Variants in HIF1AN observed in about 807,000 individuals in gnomAD.
HIF1AN encodes hypoxia inducible factor 1 subunit alpha inhibitor.
HIF1AN carries 21 observed loss-of-function variants against 47.7 expected under a neutral mutation model. The ratio of observed to expected loss-of-function variants is 0.44; its 90% CI spans 0.31 to 0.63. The LOEUF (loss-of-function observed/expected upper bound fraction) is 0.63, where lower values mean the gene tolerates loss of function less well. HIF1AN is among the 30% of genes least tolerant of loss of function. The probability of loss-of-function intolerance (pLI) is 0.07; values close to 1 mark genes in which losing one functional copy is unlikely to be tolerated. For missense variants in HIF1AN, 320 were observed against 432.7 expected, an observed-to-expected ratio of 0.74 and a Z score of 2.31; for synonymous variants, 152 against 155.9, an observed-to-expected ratio of 0.98 and a Z score of 0.18.
In HIF1AN at chr10:100,552,858, A is replaced by G. The variant is rs908033948; in HGVS notation, c.*4721A>G. The G allele has an allele frequency of 2.0e-5, 3 of 151,622 alleles. No homozygotes were observed. The highest frequency in any genetic ancestry group is 6.6e-5 in the Admixed American group (1 of 15,186). The allele number at this position is 151,622 out of a possible 1,614,324, so 9.4% of individuals were successfully genotyped here. A position where few individuals can be genotyped will look rare whatever the true frequency, so the allele number is the denominator to read the frequency against. On this transcript the variant is annotated 3_prime_UTR_variant, in exon 8 of 8. Transcript: ENST00000299163. Reference sequence around the variant, plus strand: ...GTCTGCTGTGTGTTCTTGCCCTTCCATTGTCAGTTCTGTACATCCTGGTTC... The same window carrying G: ...GTCTGCTGTGTGTTCTTGCCCTTCCGTTGTCAGTTCTGTACATCCTGGTTC...
In HIF1AN at chr10:100,545,946, G is replaced by A; in HGVS notation, c.727G>A (p.Asp243Asn). 3.7e-6 allele frequency: 6 copies of A among 1,610,632 alleles called. No individual in the cohort carries two copies. The highest frequency in any genetic ancestry group is 5.1e-6 in the Non-Finnish European group (6 of 1,177,002). Reference protein sequence around the residue: ...HHPCDRQSQVDFDNPDYERFP... With the variant: ...HHPCDRQSQVNFDNPDYERFP... ...TTCTTTCTCTTGAACCTCTTAGGTG[G>A]ACTTTGACAATCCCGACTACGAGAG... Residue 243 changes from aspartate to asparagine, a missense_variant, in exon 5 of 8, where the codon GAC (aspartate) becomes AAC (asparagine). Asp to Asn is a conservative substitution (Grantham distance 23). Around this residue, in one of 2 missense-constraint regions of HIF1AN, gnomAD observed 161 missense variants for 272.8 expected, o/e 0.59. Coordinates refer to ENST00000299163, the MANE Select transcript of HIF1AN (RefSeq NM_017902.3).
intron 4 of HIF1AN, chr10:100,545,367 TG>T (rs1169850805): frequency 2.5e-6 from 1 of 398,884 alleles, no homozygotes; most frequent in Non-Finnish European, 4.5e-6. Flanking sequence ...TTACTCTGTT[TG>T]ATTGGCTTAT....
Position 100,555,271 on chromosome 10 carries a change from C to T in HIF1AN, c.*7134C>T, listed in dbSNP as rs1178799393. The T allele has an allele frequency of 6.6e-6, 1 of 152,228 alleles. No homozygotes were observed. Among genetic ancestry groups the T allele is most frequent in the Non-Finnish European group, 1.5e-5 (1 of 68,060 alleles). 9.4% of individuals were successfully genotyped at this position (152,228 alleles called of 1,614,324 possible). The stretch of plus-strand genomic sequence containing the variant: ...TGGTTAGTCACAGAAATCTGAAAGT[C>T]TTGGTTGCTGGCTCAGATTTGTCCT... On this transcript the variant is annotated 3_prime_UTR_variant, in exon 8 of 8. Transcript: ENST00000299163.
intron 3 of HIF1AN, among the ~76,000 whole-genome samples, chr10:100,542,321 T>C (rs555755317): frequency 3.9e-5 from 6 of 152,182 alleles, no homozygotes; most frequent in Admixed American, 1.3e-4. Flanking sequence ...GAGAAACTTA[T>C]TTTTTTAGTG....
In HIF1AN at chr10:100,540,796, C is replaced by A. The variant is rs1278122836; in HGVS notation, c.577+14C>A. 1.9e-6 allele frequency: 3 copies of A among 1,599,122 alleles called. No individual in the cohort carries two copies. The highest frequency in any genetic ancestry group is 1.8e-5 in the Admixed American group (1 of 54,874). ...TTGGCATGGAAGGTAAGAAATCTTT[C>A]AAAAGCAGCATGGCTTGGAGTCATA... On this transcript the variant is annotated intron_variant, in intron 3 of 7. Coordinates refer to ENST00000299163, the MANE Select transcript of HIF1AN (RefSeq NM_017902.3).
intron 3 of HIF1AN, 97 bp downstream of exon 3, chr10:100,540,879 C>T (rs1843020456): frequency 9.1e-7 from 1 of 1,101,918 alleles, no homozygotes; most frequent in South Asian, 1.7e-5. Context: ...TTTGAACAAG[C>T]CACTTCACTT....
intron 3 of HIF1AN, 109 bp downstream of exon 3, chr10:100,540,891 C>A: frequency 9.9e-7 from 1 of 1,010,884 alleles, no homozygotes; most frequent in Non-Finnish European, 1.4e-6. Context: ...ACTTCACTTT[C>A]TTAAGCCTCA....
rs1843105981 is a variant in HIF1AN at position 100,547,550 on chromosome 10, TC to T, written c.1005+303del. Among the ~76,000 whole-genome samples, 3 of 152,170 alleles carry T rather than the reference TC, an allele frequency of 2.0e-5. No homozygotes were observed. The South Asian group carries it at 6.2e-4, about 32-fold the overall frequency. ...AGCACTAACACATCTCCTTGCACTT[TC>T]CCAGCTGTGCCAGGGCTGCTGTAGG... On this transcript the variant is annotated intron_variant, in intron 7 of 7. Coordinates refer to ENST00000299163, the MANE Select transcript of HIF1AN (RefSeq NM_017902.3).
At chr10:100,541,488 T>G (rs1461632503) in intron 3 of HIF1AN, among the ~76,000 whole-genome samples, 4 of 151,170 alleles carry the variant, frequency 2.6e-5, no homozygotes, top group East Asian at 1.9e-4. Context: ...GTCGAGTCTG[T>G]TTTTTTTTGT....
Position 100,536,079 on chromosome 10 carries a change from C to G in HIF1AN, c.121C>G (p.Pro41Ala), listed in dbSNP as rs2295778. 417,513 of 1,610,990 alleles carry G rather than the reference C, an allele frequency of 0.26. 56,763 individuals are homozygous for G. Among genetic ancestry groups the G allele is most frequent in the Non-Finnish European group, 0.27 (323,571 of 1,178,656 alleles). Reference sequence around the variant, plus strand: ...GCGCAGTTATAGCTTCCCGACTAGGCCCATTCCGCGTCTGAGTCAGAGCGA... The same window carrying G: ...GCGCAGTTATAGCTTCCCGACTAGGGCCATTCCGCGTCTGAGTCAGAGCGA... ...QLRSYSFPTRPIPRLSQSDPR... is the reference protein window; with the variant it reads ...QLRSYSFPTRAIPRLSQSDPR... Residue 41 changes from proline to alanine, a missense_variant, in exon 1 of 8, where the codon CCC (proline) becomes GCC (alanine). Transcript: ENST00000299163.
chr10:100,548,974 T>C lies in HIF1AN; in HGVS notation c.*837T>C, dbSNP rs1427578056. Reference sequence around the variant, plus strand: ...CTGTGGCTTCTCTAGGTTCTAGGGGTGCAAGCCTCTGTGTGTTTGTTTGTG... The same window carrying C: ...CTGTGGCTTCTCTAGGTTCTAGGGGCGCAAGCCTCTGTGTGTTTGTTTGTG... On this transcript the variant is annotated 3_prime_UTR_variant, in exon 8 of 8. Coordinates refer to ENST00000299163, the MANE Select transcript of HIF1AN (RefSeq NM_017902.3). 6.6e-6 allele frequency: 1 copy of C among 152,284 alleles called. No homozygotes were observed. Among genetic ancestry groups the C allele is most frequent in the Non-Finnish European group, 1.5e-5 (1 of 68,194 alleles). 9.4% of individuals were successfully genotyped at this position (152,284 alleles called of 1,614,324 possible).
rs1469282879 is a variant in HIF1AN, at chr10:100,558,437, GA to G, written c.*10306del. ...GCAGCATAGTGACACCCCATCTCTT[GA>G]AAAAACAAACACTCTTAAGAGCAGT... On this transcript the variant is annotated 3_prime_UTR_variant, in exon 8 of 8. Coordinates refer to ENST00000299163, the MANE Select transcript of HIF1AN (RefSeq NM_017902.3). 6.6e-6 allele frequency: 1 copy of G among 152,034 alleles called. No individual in the cohort carries two copies. The highest frequency in any genetic ancestry group is 6.6e-5 in the Admixed American group (1 of 15,262). 9.4% of individuals were successfully genotyped at this position (152,034 alleles called of 1,614,324 possible).
In HIF1AN at chr10:100,558,848, G is replaced by A. The variant is rs983585079; in HGVS notation, c.*10711G>A. 1 of 152,148 alleles carries A rather than the reference G, an allele frequency of 6.6e-6. No homozygotes were observed. The highest frequency in any genetic ancestry group is 2.4e-5 in the African/African-American group (1 of 41,438). 9.4% of individuals were successfully genotyped at this position (152,148 alleles called of 1,614,324 possible). Reference sequence around the variant, plus strand: ...TAGGTGTGCATCTTTTAATGATGGAGGACTTAGGATGAAGAACAGGTGTGT... The same window carrying A: ...TAGGTGTGCATCTTTTAATGATGGAAGACTTAGGATGAAGAACAGGTGTGT... On this transcript the variant is annotated 3_prime_UTR_variant, in exon 8 of 8. Transcript: ENST00000299163.
Position 100,540,616 on chromosome 10 carries a change from TC to T in HIF1AN, c.429-17del. ...GTGTGTGCATGCACTAATAGGATTT[TC>T]TTCTTGGGGAACATAGGTTGTATCT... On this transcript the variant is annotated splice_polypyrimidine_tract_variant and intron_variant, in intron 2 of 7. Coordinates refer to ENST00000299163, the MANE Select transcript of HIF1AN (RefSeq NM_017902.3). 6.2e-7 allele frequency: 1 copy of T among 1,613,384 alleles called. No homozygotes were observed. Among genetic ancestry groups the T allele is most frequent in the Non-Finnish European group, 8.5e-7 (1 of 1,179,802 alleles).
chr10:100,543,611 C>T (rs1213483633), intron 3 of HIF1AN, among the ~76,000 whole-genome samples: 3 of 152,110 alleles, frequency 2.0e-5, no homozygotes, highest in East Asian at 3.9e-4. Flanking sequence ...CTCGCTCTGT[C>T]GCCCAGACTG....
In HIF1AN at chr10:100,549,203, T is replaced by G. The variant is rs1289097303; in HGVS notation, c.*1066T>G. 1 of 152,200 alleles carries G rather than the reference T, an allele frequency of 6.6e-6. No individual in the cohort carries two copies. Among genetic ancestry groups the G allele is most frequent in the Non-Finnish European group, 1.5e-5 (1 of 68,070 alleles). 9.4% of individuals were successfully genotyped at this position (152,200 alleles called of 1,614,324 possible). A position where few individuals can be genotyped will look rare whatever the true frequency, so the allele number is the denominator to read the frequency against. ...CCCCCGGGAAGTACTGCCTGACCTA[T>G]CCTAAGCTTTTACACTTGGATTTTA... On this transcript the variant is annotated 3_prime_UTR_variant, in exon 8 of 8. Coordinates refer to ENST00000299163, the MANE Select transcript of HIF1AN (RefSeq NM_017902.3).
chr10:100,543,978 A>T (rs567038075), intron 3 of HIF1AN, among the ~76,000 whole-genome samples: 1 of 152,192 alleles, frequency 6.6e-6, no homozygotes, highest in Non-Finnish European at 1.5e-5. Context: ...TTGAGGATGC[A>T]TGTGGACTCT....
intron 2 of HIF1AN, among the ~76,000 whole-genome samples, chr10:100,539,939 T>A (rs1006763417): frequency 1.3e-5 from 2 of 152,132 alleles, no homozygotes; most frequent in African/African-American, 4.8e-5. Flanking sequence ...GAGTCTGAAA[T>A]TGTGTGAAAG....
rs1364124716 is a variant in HIF1AN at position 100,556,637 on chromosome 10, T to C, written c.*8500T>C. ...AACAAAACCCCACCTACAGTCTGCA[T>C]GGTCATTGTTCTCACAAGGGTTTGT... On this transcript the variant is annotated 3_prime_UTR_variant, in exon 8 of 8. Transcript: ENST00000299163. 2 of 152,264 alleles carry C rather than the reference T, an allele frequency of 1.3e-5. No homozygotes were observed. The highest frequency in any genetic ancestry group is 2.9e-5 in the Non-Finnish European group (2 of 68,046). 9.4% of individuals were successfully genotyped at this position (152,264 alleles called of 1,614,324 possible).
Sources: allele counts gnomAD v4.1 joint callset (sites outside exome capture counted in the v4.1 genomes callset), GRCh38; gene constraint gnomAD v4.1.1; regional missense constraint gnomAD v4.1.1; transcripts MANE v1.5; gene names NCBI Gene and HGNC (gene_info 2026-07-23, HGNC 2026-07-21).